KANSL1: variants seen among roughly 807,000 people sequenced by gnomAD.
KANSL1 encodes the protein KAT8 regulatory NSL complex subunit 1.
A neutral mutation model predicts 103.6 loss-of-function variants in KANSL1; 22 were observed. The ratio of observed to expected loss-of-function variants is 0.21; its 90% CI spans 0.15 to 0.30. KANSL1 has a LOEUF of 0.30. Among genes scored for constraint, KANSL1 ranks in the 10% least tolerant of loss-of-function variants. KANSL1 has a pLI of 1.00. For missense variants in KANSL1, 1,337 were observed against 1,399.8 expected, an observed-to-expected ratio of 0.96 and a Z score of 0.72; for synonymous variants, 600 against 527.6, an observed-to-expected ratio of 1.14 and a Z score of -1.88.
intron 1 of KANSL1, among the ~76,000 whole-genome samples, chr17:46,173,403 C>T (rs1211398497): frequency 1.3e-5 from 2 of 152,240 alleles, no homozygotes; most frequent in African/African-American, 4.8e-5. Flanking sequence ...AATGACACTG[C>T]TTTTATTTAG....
chr17:46,048,740 G>C (rs2077601376), intron 7 of KANSL1, among the ~76,000 whole-genome samples: 1 of 152,122 alleles, frequency 6.6e-6, no homozygotes, highest in Non-Finnish European at 1.5e-5. Context: ...CTTTGCTCAT[G>C]CACCCCCATT....
At chr17:46,068,927 CCTTA>C (rs950784578) in intron 4 of KANSL1, among the ~76,000 whole-genome samples, 94 of 152,110 alleles carry the variant, frequency 6.2e-4, no homozygotes, top group African/African-American at 2.2e-3. Context: ...GTCTTTGACT[CCTTA>C]CTTTATTTTT....
chr17:46,112,808 G>A (rs567586697), intron 2 of KANSL1, among the ~76,000 whole-genome samples: 6 of 151,392 alleles, frequency 4.0e-5, no homozygotes, highest in Non-Finnish European at 5.9e-5. Context: ...TACAACCTCC[G>A]CCTCCCAAGT....
intron 1 of KANSL1, among the ~76,000 whole-genome samples, chr17:46,220,715 C>G (rs2048505426): frequency 6.6e-6 from 1 of 152,250 alleles, no homozygotes; most frequent in African/African-American, 2.4e-5. Context: ...GAGACAGAGT[C>G]TCGCTTGGTC....
At chr17:46,058,741 ACACTCTCT>A (rs1408228285) in intron 6 of KANSL1, among the ~76,000 whole-genome samples, 1,173 of 73,290 alleles carry the variant, frequency 0.016, 8 homozygotes, top group African/African-American at 0.061. Flanking sequence ...ACACACACAC[ACACTCTCT>A]CTCTCTCTCT....
chr17:46,106,840 CAAA>C (rs1466181497), intron 2 of KANSL1, among the ~76,000 whole-genome samples: 2 of 129,602 alleles, frequency 1.5e-5, no homozygotes, highest in South Asian at 4.5e-4. Flanking sequence ...ACAAAACAAA[CAAA>C]AAAGTGAATA....
At position 46,141,794 on chromosome 17, in the gene KANSL1, C is replaced by T. The variant is rs546895115; in HGVS notation, c.1289+29061G>A. Among the ~76,000 whole-genome samples, 45 of 152,306 alleles carry T rather than the reference C, an allele frequency of 3.0e-4. No homozygotes were observed. In the South Asian group the frequency reaches 6.4e-3, roughly 22 times the overall value. On this transcript the variant is annotated intron_variant, in intron 2 of 14. Transcript: ENST00000432791. ...TACAAAATTAAGTGGTTTTGAGATACTAGTCAGCTTTTTCGGAAAGAGGGT... is the reference window on the plus strand; with the variant it reads ...TACAAAATTAAGTGGTTTTGAGATATTAGTCAGCTTTTTCGGAAAGAGGGT...
rs540071594 is a variant in KANSL1 at position 46,123,104 on chromosome 17, C to A, written c.1290-28403G>T. ...AAGAATTTTTTTTAGAGACGGGGCGCAGTGGCTCATGCCTGTAATCCCAAC... is the reference window on the plus strand; with the variant it reads ...AAGAATTTTTTTTAGAGACGGGGCGAAGTGGCTCATGCCTGTAATCCCAAC... On this transcript the variant is annotated intron_variant, in intron 2 of 14. Transcript: ENST00000432791. 2.7e-3 allele frequency among the ~76,000 whole-genome samples: 405 copies of A among 152,366 alleles called. 6 individuals are homozygous for A. Among genetic ancestry groups the A allele is most frequent in the Non-Finnish European group, 1.4e-3 (93 of 68,038 alleles).
At chr17:46,174,724 G>A (rs969196228) in intron 1 of KANSL1, among the ~76,000 whole-genome samples, 44 of 152,188 alleles carry the variant, frequency 2.9e-4, no homozygotes, top group Admixed American at 1.4e-3. Flanking sequence ...ACCCAAGCTA[G>A]AGTGCAGCGG....
chr17:46,180,040 G>C (rs1369049951), intron 1 of KANSL1, among the ~76,000 whole-genome samples: 2 of 151,704 alleles, frequency 1.3e-5, no homozygotes, highest in Non-Finnish European at 2.9e-5. Flanking sequence ...CTCCAGCTTG[G>C]GTAACAAGAG....
At position 46,122,519 on chromosome 17, in the gene KANSL1, TCTC is replaced by T. The variant is rs1351793750; in HGVS notation, c.1290-27821_1290-27819del. Reference sequence around the variant, plus strand: ...ACTGGCTGAGAAATAATGGGGGTGATCTCCTATCGACTACAAAAGTGGGTTAGA... The same window carrying T: ...ACTGGCTGAGAAATAATGGGGGTGATCTATCGACTACAAAAGTGGGTTAGA... On this transcript the variant is annotated intron_variant, in intron 2 of 14. Coordinates refer to ENST00000432791, the MANE Select transcript of KANSL1 (RefSeq NM_015443.4). 2.0e-5 allele frequency among the ~76,000 whole-genome samples: 3 copies of T among 152,250 alleles called. No individual in the cohort carries two copies. The East Asian group carries it at 5.8e-4, about 29-fold the overall frequency.
At chr17:46,057,025 G>T (rs876944) in intron 6 of KANSL1, among the ~76,000 whole-genome samples, 21,789 of 152,118 alleles carry the variant, frequency 0.14, 2,128 homozygotes, top group Non-Finnish European at 0.22. Context: ...CGGTCATCCC[G>T]TCTAGAAAAA....
chr17:46,176,041 C>T (rs1409960872), intron 1 of KANSL1, among the ~76,000 whole-genome samples: 1 of 152,194 alleles, frequency 6.6e-6, no homozygotes, highest in Non-Finnish European at 1.5e-5. Flanking sequence ...ATCTCCTCCC[C>T]TTTTGAATGT....
At chr17:46,116,521 C>T (rs576021551) in intron 2 of KANSL1, among the ~76,000 whole-genome samples, 90 of 151,580 alleles carry the variant, frequency 5.9e-4, no homozygotes, top group African/African-American at 2.1e-3. Context: ...CAGAGCGCGA[C>T]TCCGTCTCAA....
intron 2 of KANSL1, among the ~76,000 whole-genome samples, chr17:46,135,695 C>CTTTTTTTT (rs35094789): frequency 1.2e-5 from 1 of 84,430 alleles, no homozygotes. Flanking sequence ...CCATGCCTGG[C>CTTTTTTTT]TTTTTTTTTT....
chr17:46,099,592 TAATGAAG>T (rs1275582569), intron 2 of KANSL1, among the ~76,000 whole-genome samples: 1 of 152,232 alleles, frequency 6.6e-6, no homozygotes, highest in Non-Finnish European at 1.5e-5. Flanking sequence ...TCATTATCAA[TAATGAAG>T]AAAATCACGT....
intron 6 of KANSL1, among the ~76,000 whole-genome samples, chr17:46,065,476 A>G (rs887969202): frequency 6.6e-6 from 1 of 152,200 alleles, no homozygotes; most frequent in East Asian, 1.9e-4. Flanking sequence ...AGTGGTAACA[A>G]TAACAGCCAC....
At position 46,161,309 on chromosome 17, in the gene KANSL1, G is replaced by A. The variant is rs537568377; in HGVS notation, c.1289+9546C>T. 6.7e-5 allele frequency among the ~76,000 whole-genome samples: 10 copies of A among 149,740 alleles called. No individual in the cohort carries two copies. The East Asian group carries it at 1.2e-3, about 18-fold the overall frequency. ...AAATTAGCCGGGTGTGGTGGCAGAC[G>A]CCTGCAGTCCCAGCTACTTGGGAGG... On this transcript the variant is annotated intron_variant, in intron 2 of 14. Transcript: ENST00000432791.
At chr17:46,189,143 T>C (rs1371488597) in intron 1 of KANSL1, among the ~76,000 whole-genome samples, 1 of 148,554 alleles carries the variant, frequency 6.7e-6, no homozygotes, top group Non-Finnish European at 1.5e-5. Context: ...AGCCCCGGAG[T>C]TCAGGCACTC....
Sources: gnomAD v4.1 joint callset for allele counts (sites outside exome capture counted in the v4.1 genomes callset) on GRCh38, gnomAD v4.1.1 for gene constraint, MANE v1.5 for transcripts, NCBI Gene and HGNC (gene_info 2026-07-23, HGNC 2026-07-21) for gene names.